Variants in WDFY4 observed in about 807,000 individuals in gnomAD.
WDFY4 encodes the protein WD repeat- and FYVE domain-containing protein 4.
Under a neutral mutation model 351.9 loss-of-function variants are expected in WDFY4, and 169 were observed. That is an observed-to-expected ratio of 0.48 (90% CI 0.42 to 0.55). The LOEUF is 0.55. Ranked by LOEUF, WDFY4 falls within the 20% of genes least tolerant of loss-of-function variation. WDFY4 has a pLI of 0.00. For synonymous variants in WDFY4, 1,622 were observed against 1,574.6 expected, an observed-to-expected ratio of 1.03 and a Z score of -0.71; for missense variants, 3,803 against 3,935.6, an observed-to-expected ratio of 0.97 and a Z score of 0.90.
chr10:48,973,251 TAG>T (rs1273890356), intron 57 of WDFY4, among the ~76,000 whole-genome samples: 1 of 152,214 alleles, frequency 6.6e-6, no homozygotes, highest in Non-Finnish European at 1.5e-5. Context: ...TCATCAGACT[TAG>T]TTCATTCTGG....
rs541895962 is a variant in WDFY4 at position 48,977,510 on chromosome 10, C to T, written c.9291+531C>T. Among the ~76,000 whole-genome samples, 300 of 152,294 alleles carry T rather than the reference C, an allele frequency of 2.0e-3. 1 individual carries two copies. The highest frequency in any genetic ancestry group is 5.0e-3 in the South Asian group (24 of 4,822). ...CCATCCATCCATCCATCCATGCAGGCTGAGGTACCTAGGCAGTCCCCTCAT... is the reference window on the plus strand; with the variant it reads ...CCATCCATCCATCCATCCATGCAGGTTGAGGTACCTAGGCAGTCCCCTCAT... On this transcript the variant is annotated intron_variant, in intron 59 of 61. Coordinates refer to ENST00000325239, the MANE Select transcript of WDFY4 (RefSeq NM_001394531.1).
At position 48,738,642 on chromosome 10, in the gene WDFY4, G is replaced by A. The variant is rs554631652; in HGVS notation, c.1878+2572G>A. ...ATGAGCAAGTGGTGAAGGTTTGCTG[G>A]AATCAGATGTGAGATCTACATTTGT... is the stretch of plus-strand genomic sequence containing the variant. On this transcript the variant is annotated intron_variant, in intron 11 of 61. Transcript: ENST00000325239. Among the ~76,000 whole-genome samples the A allele has an allele frequency of 2.8e-4, 43 of 151,314 alleles. No individual in the cohort carries two copies. The South Asian group carries it at 9.1e-3, about 32-fold the overall frequency.
intron 49 of WDFY4, 52 bp from the exon 50 acceptor site, chr10:48,945,988 A>G (rs1053573005): frequency 1.6e-6 from 2 of 1,261,676 alleles, no homozygotes; most frequent in African/African-American, 1.6e-5. Flanking sequence ...CGTGGCTCCT[A>G]GGGCACAAGC....
chr10:48,727,766 G>A, intron 7 of WDFY4, 107 bp downstream of exon 7: 1 of 1,359,426 alleles, frequency 7.4e-7, no homozygotes, highest in Non-Finnish European at 9.9e-7. Flanking sequence ...CATAGAACAT[G>A]GCCAGAGAGA....
chr10:48,744,625 C>G (rs543527512), intron 12 of WDFY4, among the ~76,000 whole-genome samples: 1 of 152,304 alleles, frequency 6.6e-6, no homozygotes, highest in Admixed American at 6.5e-5. Flanking sequence ...CAGTGCTTCT[C>G]TTCTATGCTA....
chr10:48,926,432 A>G (rs1839575936), intron 47 of WDFY4, among the ~76,000 whole-genome samples: 1 of 152,190 alleles, frequency 6.6e-6, no homozygotes, highest in Non-Finnish European at 1.5e-5. Context: ...TAAATGAAGG[A>G]TGGTGTGCAC....
chr10:48,742,671 G>A (rs538109859), intron 11 of WDFY4, among the ~76,000 whole-genome samples: 10 of 152,290 alleles, frequency 6.6e-5, no homozygotes, highest in South Asian at 2.1e-4. Context: ...GTGAGCACTC[G>A]ACCTGGGATG....
chr10:48,904,259 C>T lies in WDFY4; in HGVS notation c.7586+2396C>T, dbSNP rs117241667. On this transcript the variant is annotated intron_variant, in intron 47 of 61. Transcript: ENST00000325239. ...CAGTGGGTCGCTGGAGTTGGGGTGG[C>T]TGTTTACCAACTGTAATGGGCATAG... is the stretch of plus-strand genomic sequence containing the variant. Among the ~76,000 whole-genome samples, 193 of 152,284 alleles carry T rather than the reference C, an allele frequency of 1.3e-3. 3 individuals are homozygous for T. In the East Asian group the frequency reaches 0.036, roughly 28 times the overall value.
chr10:48,735,932 C>G lies in WDFY4; in HGVS notation c.1740C>G (p.Asp580Glu), dbSNP rs141680543. 1 of 1,551,738 alleles carries G rather than the reference C, an allele frequency of 6.4e-7. No individual in the cohort carries two copies. Among genetic ancestry groups the G allele is most frequent in the Non-Finnish European group, 8.7e-7 (1 of 1,147,002 alleles). ...CCTTCATCAAGATCTTCCTGGATGA[C>G]GAGTGCTACCGGGAGGCCTCGCTCA... Reference protein sequence around the residue: ...MVPFIKIFLDDECYREASLSI... With the variant: ...MVPFIKIFLDEECYREASLSI... Residue 580 changes from aspartate (D) to glutamate (E), a missense_variant, in exon 11 of 62, where the codon GAC becomes GAG. Transcript: ENST00000325239.
chr10:48,738,622 C>G (rs1305436241), intron 11 of WDFY4, among the ~76,000 whole-genome samples: 28 of 152,180 alleles, frequency 1.8e-4, no homozygotes, highest in Non-Finnish European at 1.9e-4. Flanking sequence ...GTCACATGAG[C>G]AAGTGGTGAA....
chr10:48,863,057 T>C (rs1255574028), intron 39 of WDFY4, among the ~76,000 whole-genome samples: 4 of 152,234 alleles, frequency 2.6e-5, no homozygotes, highest in East Asian at 1.9e-4. Context: ...CTAAATAATA[T>C]GCCATCATAT....
At chr10:48,907,661 G>C (rs1445492594) in intron 47 of WDFY4, among the ~76,000 whole-genome samples, 1 of 152,140 alleles carries the variant, frequency 6.6e-6, no homozygotes, top group Non-Finnish European at 1.5e-5. Flanking sequence ...CAGTTAGCTG[G>C]GGGGAGGCTA....
intron 1 of WDFY4, among the ~76,000 whole-genome samples, chr10:48,695,456 G>A (rs1043496520): frequency 1.3e-5 from 2 of 152,232 alleles, no homozygotes; most frequent in African/African-American, 4.8e-5. Flanking sequence ...ACCTGGGTTT[G>A]ACCTTGATTC....
At chr10:48,720,391 A>T (rs1215196322) in intron 3 of WDFY4, among the ~76,000 whole-genome samples, 1 of 152,180 alleles carries the variant, frequency 6.6e-6, no homozygotes, top group Non-Finnish European at 1.5e-5. Flanking sequence ...ACACGGACAC[A>T]CATAGACACA....
intron 43 of WDFY4, among the ~76,000 whole-genome samples, 175 bp downstream of exon 43, chr10:48,877,374 C>T (rs983169232): frequency 1.8e-4 from 27 of 152,120 alleles, no homozygotes; most frequent in African/African-American, 5.8e-4. Flanking sequence ...TTTGTTGGCC[C>T]AGAGAAAGAG....
intron 40 of WDFY4, among the ~76,000 whole-genome samples, chr10:48,868,042 A>G (rs2069616173): frequency 6.6e-6 from 1 of 152,200 alleles, no homozygotes; most frequent in African/African-American, 2.4e-5. Flanking sequence ...CTATGGGGAA[A>G]GGAGCGATGG....
At chr10:48,864,733 T>C (rs1386894886) in intron 39 of WDFY4, among the ~76,000 whole-genome samples, 3 of 152,212 alleles carry the variant, frequency 2.0e-5, no homozygotes, top group Non-Finnish European at 4.4e-5. Context: ...CTTCTATTAA[T>C]TTAGGTCTTC....
At chr10:48,868,942 G>A (rs988468229) in intron 40 of WDFY4, among the ~76,000 whole-genome samples, 5 of 152,184 alleles carry the variant, frequency 3.3e-5, no homozygotes, top group African/African-American at 1.2e-4. Context: ...AGGTTAGCCT[G>A]TCTCATCTTC....
intron 13 of WDFY4, among the ~76,000 whole-genome samples, chr10:48,767,494 A>G (rs973809673): frequency 3.9e-5 from 6 of 152,256 alleles, no homozygotes; most frequent in African/African-American, 1.4e-4. Context: ...CTGTATGTTA[A>G]TATATCTGCT....
Sources: gnomAD v4.1 joint callset for allele counts (sites outside exome capture counted in the v4.1 genomes callset) on GRCh38, gnomAD v4.1.1 for gene constraint, MANE v1.5 for transcripts, NCBI Gene and HGNC (gene_info 2026-07-23, HGNC 2026-07-21) for gene names.